Variants in PRR16 observed in about 807,000 individuals in gnomAD.
PRR16 encodes proline rich 16.
Under a neutral mutation model 18.2 loss-of-function variants are expected in PRR16, and 6 were observed. The ratio of observed to expected loss-of-function variants is 0.33; its 90% CI spans 0.18 to 0.65. The LOEUF (loss-of-function observed/expected upper bound fraction) is 0.65, where lower values mean the gene tolerates loss of function less well. PRR16 is among the 30% of genes least tolerant of loss of function. PRR16 has a pLI of 0.74. For synonymous variants in PRR16, 151 were observed against 147.8 expected, an observed-to-expected ratio of 1.02 and a Z score of -0.16; for missense variants, 412 against 376.6, an observed-to-expected ratio of 1.09 and a Z score of -0.78.
intron 1 of PRR16, among the ~76,000 whole-genome samples, chr5:120,609,959 T>C (rs1262989542): frequency 6.6e-6 from 1 of 152,230 alleles, no homozygotes; most frequent in Non-Finnish European, 1.5e-5. Context: ...CTTATCTTCC[T>C]GCTCTGCCTA....
intron 1 of PRR16, among the ~76,000 whole-genome samples, chr5:120,673,781 A>T (rs979552414): frequency 1.8e-4 from 27 of 152,060 alleles, no homozygotes; most frequent in African/African-American, 6.5e-4. Flanking sequence ...TCTAAAAAAA[A>T]TAAAAAATAA....
chr5:120,501,955 C>CAAAA (rs548770948), intron 1 of PRR16, among the ~76,000 whole-genome samples: 127 of 43,890 alleles, frequency 2.9e-3, no homozygotes, highest in Non-Finnish European at 4.1e-3. Flanking sequence ...TACTCCGTCT[C>CAAAA]AAAAAAAAAA....
downstream of PRR16, among the ~76,000 whole-genome samples, chr5:120,688,524 A>G (rs1188035755): frequency 6.6e-6 from 1 of 152,182 alleles, no homozygotes; most frequent in Non-Finnish European, 1.5e-5. Context: ...TTTTTAATGC[A>G]TGCATTTAGT....
At chr5:120,476,599 A>T (rs573048712) in intron 1 of PRR16, among the ~76,000 whole-genome samples, 2 of 152,244 alleles carry the variant, frequency 1.3e-5, no homozygotes, top group South Asian at 4.1e-4. Flanking sequence ...CCAAAAGCCA[A>T]TCGTTCTACT....
intron 1 of PRR16, among the ~76,000 whole-genome samples, chr5:120,513,714 C>G (rs72788233): frequency 0.023 from 3,467 of 151,552 alleles, 51 homozygotes; most frequent in South Asian, 0.031. Context: ...TTTAATGTCT[C>G]TCTCAATTGA....
At chr5:120,766,805 C>T in the PRR16 span, among the ~76,000 whole-genome samples, 1 of 151,870 alleles carries the variant, frequency 6.6e-6, no homozygotes, top group African/African-American at 2.4e-5. Context: ...CCAAATGGTG[C>T]CCCTTCTATT....
intron 1 of PRR16, among the ~76,000 whole-genome samples, chr5:120,478,208 G>A (rs1282687436): frequency 2.0e-5 from 3 of 152,088 alleles, no homozygotes; most frequent in Non-Finnish European, 4.4e-5. Flanking sequence ...AAGGATCAAA[G>A]CTATTACCTT....
chr5:120,742,995 C>A, the PRR16 span, among the ~76,000 whole-genome samples: 1 of 152,180 alleles, frequency 6.6e-6, no homozygotes, highest in East Asian at 1.9e-4. Context: ...ACACTAAACA[C>A]AACTGAATAA....
At chr5:120,713,316 A>G in the PRR16 span, among the ~76,000 whole-genome samples, 37 of 152,288 alleles carry the variant, frequency 2.4e-4, no homozygotes, top group African/African-American at 8.2e-4. Flanking sequence ...GTAGCATAGT[A>G]TATCTATAAT....
chr5:120,775,868 G>A, the PRR16 span, among the ~76,000 whole-genome samples: 2 of 140,808 alleles, frequency 1.4e-5, no homozygotes, highest in Non-Finnish European at 3.0e-5. Flanking sequence ...GGCTGGTCTC[G>A]AACTCTTGAC....
intron 1 of PRR16, among the ~76,000 whole-genome samples, chr5:120,542,439 A>G (rs561400051): frequency 1.6e-4 from 24 of 152,146 alleles, no homozygotes; most frequent in African/African-American, 3.9e-4. Flanking sequence ...TTTTCGTTAC[A>G]TGATACACTT....
intron 1 of PRR16, among the ~76,000 whole-genome samples, chr5:120,681,494 C>G: frequency 6.6e-6 from 1 of 152,096 alleles, no homozygotes; most frequent in East Asian, 1.9e-4. Flanking sequence ...CTTACCCTGT[C>G]CCAAATTAGT....
At chr5:120,526,887 C>T (rs931072703) in intron 1 of PRR16, among the ~76,000 whole-genome samples, 2 of 152,110 alleles carry the variant, frequency 1.3e-5, no homozygotes, top group African/African-American at 4.8e-5. Context: ...TCACTCCCAG[C>T]CCCTCCATAA....
At chr5:120,699,391 A>G in the PRR16 span, among the ~76,000 whole-genome samples, 2 of 151,934 alleles carry the variant, frequency 1.3e-5, no homozygotes, top group Non-Finnish European at 2.9e-5. Context: ...AATTTGGGGA[A>G]ATGGGGTGAA....
the PRR16 span, among the ~76,000 whole-genome samples, chr5:120,775,796 A>ATTTTTTTT: frequency 6.5e-3 from 523 of 80,488 alleles, no homozygotes; most frequent in African/African-American, 0.012. Flanking sequence ...ACGCCTGGCT[A>ATTTTTTTT]TTTTTTTTTT....
At chr5:120,697,061 T>C in the PRR16 span, among the ~76,000 whole-genome samples, 1 of 152,352 alleles carries the variant, frequency 6.6e-6, no homozygotes, top group East Asian at 1.9e-4. Context: ...TATGTTGACT[T>C]TTTTAAAACA....
chr5:120,552,476 G>A lies in PRR16; in HGVS notation c.159+87831G>A, dbSNP rs1752284398. 2.0e-5 allele frequency among the ~76,000 whole-genome samples: 3 copies of A among 151,724 alleles called. No individual in the cohort carries two copies. In the South Asian group the frequency reaches 6.2e-4, roughly 31 times the overall value. ...CAATATTTATCATTTTTACTATTTA[G>A]AATTTATCCCATTTATATCATTTTA... On this transcript the variant is annotated intron_variant, in intron 1 of 1. Coordinates refer to ENST00000407149, the MANE Select transcript of PRR16 (RefSeq NM_001300783.2).
intron 1 of PRR16, among the ~76,000 whole-genome samples, chr5:120,523,610 A>G (rs1354002246): frequency 2.6e-5 from 4 of 152,140 alleles, no homozygotes; most frequent in Non-Finnish European, 5.9e-5. Flanking sequence ...TTTATTTTCA[A>G]GTTGAATTTT....
the PRR16 span, among the ~76,000 whole-genome samples, chr5:120,711,782 A>G: frequency 6.6e-6 from 1 of 152,212 alleles, no homozygotes; most frequent in Admixed American, 6.5e-5. Flanking sequence ...GGCTAAGCCA[A>G]GAATGACCTT....
Sources: allele counts gnomAD v4.1 joint callset (sites outside exome capture counted in the v4.1 genomes callset), GRCh38; gene constraint gnomAD v4.1.1; transcripts MANE v1.5; gene names NCBI Gene and HGNC (gene_info 2026-07-23, HGNC 2026-07-21).